CDK14: variants seen among roughly 807,000 people sequenced by gnomAD.
CDK14 encodes the protein cyclin-dependent kinase 14.
CDK14 carries 34 observed loss-of-function variants against 60.7 expected under a neutral mutation model. The ratio of observed to expected loss-of-function variants is 0.56; its 90% CI spans 0.43 to 0.75. The LOEUF is 0.75. CDK14 is among the 30% of genes least tolerant of loss of function. The probability of loss-of-function intolerance (pLI) is 0.00; values close to 1 mark genes in which losing one functional copy is unlikely to be tolerated. For missense variants in CDK14, 482 were observed against 564.1 expected, an observed-to-expected ratio of 0.85 and a Z score of 1.47; for synonymous variants, 197 against 203.7, an observed-to-expected ratio of 0.97 and a Z score of 0.28.
intron 2 of CDK14, among the ~76,000 whole-genome samples, chr7:90,719,625 G>C (rs938276843): frequency 6.6e-6 from 1 of 152,146 alleles, no homozygotes; most frequent in African/African-American, 2.4e-5. Flanking sequence ...TTAATAATGA[G>C]TAGACCAAAT....
chr7:91,024,370 A>T (rs1056272346), intron 10 of CDK14, among the ~76,000 whole-genome samples: 1 of 152,092 alleles, frequency 6.6e-6, no homozygotes, highest in Admixed American at 6.5e-5. Context: ...TTTAAGTTGG[A>T]TGCTGGGCAC....
chr7:91,044,825 T>G (rs1797188192), intron 10 of CDK14, among the ~76,000 whole-genome samples: 1 of 152,182 alleles, frequency 6.6e-6, no homozygotes, highest in Admixed American at 6.6e-5. Flanking sequence ...ACAGTCCCTG[T>G]GGAAGAAGTG....
At chr7:91,164,962 A>G (rs1175072306) in intron 14 of CDK14, among the ~76,000 whole-genome samples, 3 of 152,234 alleles carry the variant, frequency 2.0e-5, no homozygotes, top group Non-Finnish European at 4.4e-5. Context: ...ACAGATACAC[A>G]TAGAGTGAAG....
intron 10 of CDK14, among the ~76,000 whole-genome samples, chr7:91,014,138 G>A (rs1049775186): frequency 2.6e-5 from 4 of 151,962 alleles, no homozygotes; most frequent in Admixed American, 1.3e-4. Context: ...ATCCAGTGCT[G>A]ATTTTTGAAG....
Position 90,955,726 on chromosome 7 carries a change from C to T in CDK14, c.856C>T (p.His286Tyr). Reference sequence around the variant, plus strand: ...TGCAAGAGCAAAATCCGTCCCTAGCCACACATACTCCAACGAAGTGGTTAC... The same window carrying T: ...TGCAAGAGCAAAATCCGTCCCTAGCTACACATACTCCAACGAAGTGGTTAC... ...GLARAKSVPS[H>Y]TYSNEVVTLW... is the part of the protein sequence containing the mutation. Residue 286 changes from histidine (H) to tyrosine (Y), a missense_variant, in exon 9 of 15, where the codon CAC becomes TAC. Coordinates refer to ENST00000380050, the MANE Select transcript of CDK14 (RefSeq NM_001287135.2). 1.2e-6 allele frequency: 2 copies of T among 1,613,402 alleles called. No homozygotes were observed. Among genetic ancestry groups the T allele is most frequent in the Non-Finnish European group, 1.7e-6 (2 of 1,179,452 alleles).
chr7:90,826,280 G>A lies in CDK14; in HGVS notation c.544+35628G>A, dbSNP rs538536952. ...GTTACCCAGGCTAGAGTGCAGTGGC[G>A]TGATCTCGGCTCACTGCAGCCTCTG... On this transcript the variant is annotated intron_variant, in intron 5 of 14. Transcript: ENST00000380050. Among the ~76,000 whole-genome samples, 28 of 152,226 alleles carry A rather than the reference G, an allele frequency of 1.8e-4. No individual in the cohort carries two copies. The South Asian group carries it at 2.3e-3, about 12-fold the overall frequency.
chr7:91,032,278 T>C (rs751637431), intron 10 of CDK14, among the ~76,000 whole-genome samples: 29 of 152,352 alleles, frequency 1.9e-4, no homozygotes, highest in Non-Finnish European at 4.0e-4. Flanking sequence ...TTCTGTTTAC[T>C]TCATATACCT....
intron 6 of CDK14, among the ~76,000 whole-genome samples, chr7:90,877,171 A>G (rs1791589197): frequency 6.6e-6 from 1 of 152,234 alleles, no homozygotes; most frequent in Admixed American, 6.5e-5. Context: ...ATAAAGGAAT[A>G]TATAGGGGTA....
At chr7:90,871,623 AG>A (rs1791375589) in intron 6 of CDK14, among the ~76,000 whole-genome samples, 1 of 152,222 alleles carries the variant, frequency 6.6e-6, no homozygotes, top group Non-Finnish European at 1.5e-5. Context: ...TATTGCTAAA[AG>A]CATTCAAATA....
At chr7:90,757,858 T>C (rs2213982) in intron 4 of CDK14, among the ~76,000 whole-genome samples, 68,446 of 151,984 alleles carry the variant, frequency 0.45, 16,165 homozygotes, top group East Asian at 0.82. Flanking sequence ...CCACCTCGGC[T>C]TCCCAAAATG....
chr7:91,020,143 G>A (rs1388552437), intron 10 of CDK14, among the ~76,000 whole-genome samples: 1 of 152,112 alleles, frequency 6.6e-6, no homozygotes, highest in Admixed American at 6.5e-5. Flanking sequence ...GCTTGTAACT[G>A]CCCCCTTTTA....
chr7:91,098,057 G>C (rs142500388), intron 12 of CDK14, among the ~76,000 whole-genome samples: 2 of 152,312 alleles, frequency 1.3e-5, no homozygotes, highest in East Asian at 3.9e-4. Context: ...CTTTCTTAGA[G>C]AACAGGGCCT....
At chr7:90,873,635 A>G (rs1400403862) in intron 6 of CDK14, among the ~76,000 whole-genome samples, 1 of 152,166 alleles carries the variant, frequency 6.6e-6, no homozygotes, top group Non-Finnish European at 1.5e-5. Flanking sequence ...TTATGTATGT[A>G]TTTAGATTAA....
chr7:91,173,004 A>C (rs143237962), intron 14 of CDK14, among the ~76,000 whole-genome samples: 192 of 152,266 alleles, frequency 1.3e-3, no homozygotes, highest in African/African-American at 4.5e-3. Flanking sequence ...TTGTTCTAAA[A>C]TTCATCTGCT....
chr7:91,090,978 T>C (rs189753560), intron 12 of CDK14, among the ~76,000 whole-genome samples: 31 of 114,360 alleles, frequency 2.7e-4, no homozygotes, highest in Non-Finnish European at 4.3e-4. Flanking sequence ...CCCAGCTCAT[T>C]AACTAAGTTG....
intron 4 of CDK14, among the ~76,000 whole-genome samples, chr7:90,776,412 GA>G (rs1363153354): frequency 7.9e-5 from 12 of 152,166 alleles, no homozygotes; most frequent in Non-Finnish European, 1.8e-4. Flanking sequence ...TAAAACTCCA[GA>G]AGGTTAATGT....
intron 5 of CDK14, among the ~76,000 whole-genome samples, chr7:90,831,846 A>C (rs1282181571): frequency 2.0e-5 from 3 of 151,964 alleles, no homozygotes; most frequent in African/African-American, 7.3e-5. Flanking sequence ...GCTTGTCCTC[A>C]ACCTCATGTC....
chr7:90,848,562 A>G (rs1216283506), intron 5 of CDK14, among the ~76,000 whole-genome samples: 2 of 152,180 alleles, frequency 1.3e-5, no homozygotes, highest in African/African-American at 4.8e-5. Context: ...TGGGGGGTAA[A>G]TATCAAAAGT....
At chr7:91,147,154 TCTCTCTCTCACA>T (rs1246893159) in intron 14 of CDK14, among the ~76,000 whole-genome samples, 3 of 103,186 alleles carry the variant, frequency 2.9e-5, no homozygotes, top group African/African-American at 1.1e-4. Flanking sequence ...TCTCTCTCTC[TCTCTCTCTCACA>T]CACACACACA....
Sources: gnomAD v4.1 joint callset for allele counts (sites outside exome capture counted in the v4.1 genomes callset) on GRCh38, gnomAD v4.1.1 for gene constraint, MANE v1.5 for transcripts, NCBI Gene and HGNC (gene_info 2026-07-23, HGNC 2026-07-21) for gene names.